Variants in FRMD4A observed in about 807,000 individuals in gnomAD.
The protein encoded by FRMD4A is FERM domain-containing protein 4A.
In FRMD4A, 29 loss-of-function variants were observed where a neutral mutation model predicts 129.1. That is an observed-to-expected ratio of 0.22 (90% CI 0.17 to 0.31). FRMD4A has a LOEUF of 0.31. Among genes scored for constraint, FRMD4A ranks in the 10% least tolerant of loss-of-function variants. The pLI, the probability that FRMD4A is intolerant of heterozygous loss-of-function variation, is 1.00. For synonymous variants in FRMD4A, 634 were observed against 571.6 expected, an observed-to-expected ratio of 1.11 and a Z score of -1.56; for missense variants, 1,272 against 1,375.8, an observed-to-expected ratio of 0.92 and a Z score of 1.19.
chr10:14,275,727 C>T (rs897760220), intron 2 of FRMD4A, among the ~76,000 whole-genome samples: 1 of 152,104 alleles, frequency 6.6e-6, no homozygotes, highest in African/African-American at 2.4e-5. Context: ...AAGAGTCCAC[C>T]CCTGTCTTCA....
chr10:14,074,118 T>TC (rs1564263780), intron 2 of FRMD4A, among the ~76,000 whole-genome samples: 1 of 151,612 alleles, frequency 6.6e-6, no homozygotes, highest in Non-Finnish European at 1.5e-5. Context: ...CAAAAAAAAT[T>TC]TTTTTTGTTT....
chr10:14,120,422 G>A (rs1050642655), intron 2 of FRMD4A, among the ~76,000 whole-genome samples: 7 of 152,092 alleles, frequency 4.6e-5, no homozygotes, highest in Non-Finnish European at 1.0e-4. Context: ...CCCTCTAGAT[G>A]CCAAGCTTCT....
At chr10:14,324,521 C>T (rs1293895558) in intron 2 of FRMD4A, among the ~76,000 whole-genome samples, 1 of 152,210 alleles carries the variant, frequency 6.6e-6, no homozygotes, top group Non-Finnish European at 1.5e-5. Flanking sequence ...ATTCTGTATA[C>T]AGTGGTTTAG....
intron 6 of FRMD4A, among the ~76,000 whole-genome samples, chr10:13,778,417 G>T (rs971775845): frequency 6.6e-6 from 1 of 152,098 alleles, no homozygotes; most frequent in South Asian, 2.1e-4. Flanking sequence ...TGCTGGGTTT[G>T]AGCCCAGTTT....
At chr10:14,146,134 C>T (rs1025621146) in intron 2 of FRMD4A, among the ~76,000 whole-genome samples, 3 of 152,142 alleles carry the variant, frequency 2.0e-5, no homozygotes, top group African/African-American at 7.2e-5. Flanking sequence ...TAAAAGGACT[C>T]TTAGAGTCAT....
intron 2 of FRMD4A, among the ~76,000 whole-genome samples, chr10:14,124,246 C>T (rs563459630): frequency 6.6e-6 from 1 of 152,302 alleles, no homozygotes; most frequent in East Asian, 1.9e-4. Flanking sequence ...TGAGCTTAGA[C>T]ATAATTACAG....
At chr10:14,262,041 CTT>C (rs1174693964) in intron 2 of FRMD4A, among the ~76,000 whole-genome samples, 3 of 152,042 alleles carry the variant, frequency 2.0e-5, no homozygotes, top group African/African-American at 7.2e-5. Flanking sequence ...CTCCACCTCT[CTT>C]TACCTGTCTT....
chr10:13,883,630 A>T (rs2094572200), intron 2 of FRMD4A, among the ~76,000 whole-genome samples: 1 of 152,222 alleles, frequency 6.6e-6, no homozygotes, highest in African/African-American at 2.4e-5. Flanking sequence ...CTATCGACTA[A>T]TTTACAACTT....
intron 14 of FRMD4A, among the ~76,000 whole-genome samples, chr10:13,694,877 T>A (rs1335029879): frequency 1.3e-5 from 2 of 151,708 alleles, no homozygotes; most frequent in Non-Finnish European, 1.5e-5. Context: ...CAATGACAGA[T>A]CTCTAGACCT....
intron 2 of FRMD4A, among the ~76,000 whole-genome samples, chr10:14,231,568 G>A (rs774948345): frequency 4.6e-5 from 7 of 152,036 alleles, no homozygotes; most frequent in Non-Finnish European, 1.0e-4. Flanking sequence ...GGATGGTCTC[G>A]ATCTCCTGAC....
intron 2 of FRMD4A, among the ~76,000 whole-genome samples, chr10:14,170,840 T>C (rs1202442722): frequency 6.6e-6 from 1 of 151,610 alleles, no homozygotes; most frequent in African/African-American, 2.4e-5. Context: ...TCTCCTCTCC[T>C]CTTTTCTTCC....
At chr10:14,293,313 G>A (rs1469998285) in intron 2 of FRMD4A, among the ~76,000 whole-genome samples, 1 of 152,076 alleles carries the variant, frequency 6.6e-6, no homozygotes, top group African/African-American at 2.4e-5. Flanking sequence ...ACCACAGGAT[G>A]ATGCAACACA....
At chr10:13,864,616 C>T (rs542027294) in intron 2 of FRMD4A, among the ~76,000 whole-genome samples, 1 of 149,054 alleles carries the variant, frequency 6.7e-6, no homozygotes, top group African/African-American at 2.5e-5. Flanking sequence ...CCCTCTGTCA[C>T]TCAGGCTGGA....
At chr10:13,868,198 T>C (rs919065380) in intron 2 of FRMD4A, among the ~76,000 whole-genome samples, 3 of 151,714 alleles carry the variant, frequency 2.0e-5, no homozygotes, top group East Asian at 3.9e-4. Context: ...AGGCCAAAGG[T>C]TGATTGTAAT....
chr10:13,937,688 A>G (rs1401197744), intron 2 of FRMD4A, among the ~76,000 whole-genome samples: 1 of 152,206 alleles, frequency 6.6e-6, no homozygotes, highest in East Asian at 1.9e-4. Context: ...AATAAAACTG[A>G]AATGAAAAAA....
At chr10:14,054,473 C>A (rs770098327) in intron 2 of FRMD4A, among the ~76,000 whole-genome samples, 14 of 152,116 alleles carry the variant, frequency 9.2e-5, no homozygotes, top group Non-Finnish European at 1.9e-4. Context: ...TTTCATATGG[C>A]TAAACTTTAG....
At chr10:13,939,538 T>G (rs1463971485) in intron 2 of FRMD4A, among the ~76,000 whole-genome samples, 1 of 152,212 alleles carries the variant, frequency 6.6e-6, no homozygotes, top group African/African-American at 2.4e-5. Context: ...GGGTTGTACT[T>G]TCCCAACATT....
At chr10:13,747,527 CA>C (rs10689486) in intron 9 of FRMD4A, among the ~76,000 whole-genome samples, 1,755 of 144,612 alleles carry the variant, frequency 0.012, 23 homozygotes, top group South Asian at 0.046. Flanking sequence ...AGATCCGTCT[CA>C]AAAAAAAAAA....
intron 2 of FRMD4A, among the ~76,000 whole-genome samples, chr10:14,277,482 A>C (rs569071882): frequency 1.1e-4 from 16 of 152,304 alleles, no homozygotes; most frequent in Middle Eastern, 3.4e-3. Flanking sequence ...GCCACCTATG[A>C]GCCAAAAAGG....
Sources: allele counts gnomAD v4.1 joint callset (sites outside exome capture counted in the v4.1 genomes callset), GRCh38; gene constraint gnomAD v4.1.1; transcripts MANE v1.5; gene names NCBI Gene and HGNC (gene_info 2026-07-23, HGNC 2026-07-21).